AMN1: variants seen among roughly 807,000 people sequenced by gnomAD.
The protein encoded by AMN1 is antagonist of mitotic exit network 1 homolog.
A neutral mutation model predicts 33.0 loss-of-function variants in AMN1; 20 were observed. That is an observed-to-expected ratio of 0.61 (90% CI 0.43 to 0.88). AMN1 has a LOEUF of 0.88. Ranked by LOEUF, AMN1 falls within the 40% of genes least tolerant of loss-of-function variation. AMN1 has a pLI of 0.00. For synonymous variants in AMN1, 114 were observed against 111.9 expected (o/e 1.02, Z -0.12); for missense variants, 246 against 307.4 (o/e 0.80, Z 1.49).
In AMN1 at chr12:31,699,583, C is replaced by CT. The variant is rs1218013604; in HGVS notation, c.317-1627dup. On this transcript the variant is annotated intron_variant, in intron 3 of 6. Transcript: ENST00000281471. Reference sequence around the variant, plus strand: ...GGCTCCTGCGCTTCCAGACCTCACCCTATGTACTCTTCATCTTGCTGTTCA... The same window carrying CT: ...GGCTCCTGCGCTTCCAGACCTCACCCTTATGTACTCTTCATCTTGCTGTTCA... Among the ~76,000 whole-genome samples, 21 of 152,070 alleles carry CT rather than the reference C, an allele frequency of 1.4e-4. 1 individual carries two copies. The highest frequency in any genetic ancestry group is 1.4e-3 in the Admixed American group (21 of 15,256).
At chr12:31,684,804 G>C (rs753897128) in intron 6 of AMN1, among the ~76,000 whole-genome samples, 1 of 151,984 alleles carries the variant, frequency 6.6e-6, no homozygotes, top group Non-Finnish European at 1.5e-5. Flanking sequence ...AATGTAAATG[G>C]GTCCTGGGGT....
chr12:31,718,684 T>C (rs1939770841), intron 1 of AMN1, among the ~76,000 whole-genome samples: 1 of 152,370 alleles, frequency 6.6e-6, no homozygotes, highest in Non-Finnish European at 1.5e-5. Flanking sequence ...GCTGCAGGTC[T>C]GTTGGAGTTT....
chr12:31,708,929 G>C (rs765806612), intron 2 of AMN1: 7 of 361,130 alleles, frequency 1.9e-5, no homozygotes, highest in Non-Finnish European at 3.3e-5. Context: ...TGTAATCCCA[G>C]CATTTTGAGA....
intron 1 of AMN1, among the ~76,000 whole-genome samples, chr12:31,711,082 G>C (rs971930532): frequency 6.6e-6 from 1 of 151,994 alleles, no homozygotes; most frequent in East Asian, 1.9e-4. Context: ...GCTAATTTTT[G>C]TATTTTTAAT....
intron 3 of AMN1, among the ~76,000 whole-genome samples, chr12:31,700,036 G>A (rs973612578): frequency 3.3e-5 from 5 of 151,892 alleles, no homozygotes; most frequent in Admixed American, 1.3e-4. Context: ...ACTTATGCGT[G>A]TTTGCAATAT....
intron 1 of AMN1, among the ~76,000 whole-genome samples, chr12:31,721,179 G>A (rs1426579858): frequency 6.6e-6 from 1 of 152,184 alleles, no homozygotes; most frequent in Admixed American, 6.5e-5. Flanking sequence ...AGGATGATGG[G>A]GTGCTGGGCA....
Position 31,697,835 on chromosome 12 carries a change from C to T in AMN1, c.439G>A (p.Asp147Asn), listed in dbSNP as rs889986563. 3 of 1,613,902 alleles carry T rather than the reference C, an allele frequency of 1.9e-6. No homozygotes were observed. Among genetic ancestry groups the T allele is most frequent in the South Asian group, 1.1e-5 (1 of 91,090 alleles). ...GTAATACTTAAGCAGCCACCTAAAT[C>T]GATGATCTTTAGCAGCTGGCAATTG... ...ALNCQLLKII[D>N]LGGCLSITDV... The change falls in exon 4 of 7, where the codon GAT becomes AAT. Residue 147 changes from aspartate to asparagine, a missense_variant. Transcript: ENST00000281471.
chr12:31,701,812 A>ACC, intron 3 of AMN1, 51 bp downstream of exon 3: 2 of 1,476,596 alleles, frequency 1.4e-6, no homozygotes, highest in South Asian at 2.7e-5. Context: ...CCACAATTTT[A>ACC]CCAGATAGTG....
At chr12:31,691,576 C>T (rs1035323781) in intron 5 of AMN1, among the ~76,000 whole-genome samples, 5 of 151,858 alleles carry the variant, frequency 3.3e-5, no homozygotes, top group African/African-American at 1.2e-4. Flanking sequence ...CTCAATTATA[C>T]CTGAAAAATT....
intron 5 of AMN1, among the ~76,000 whole-genome samples, chr12:31,691,897 G>A (rs572324321): frequency 6.6e-6 from 1 of 152,096 alleles, no homozygotes; most frequent in East Asian, 1.9e-4. Context: ...ATTTTTTTGA[G>A]ACAGAGTTTC....
chr12:31,682,116 G>A (rs1938043032), intron 6 of AMN1, among the ~76,000 whole-genome samples: 1 of 152,200 alleles, frequency 6.6e-6, no homozygotes. Context: ...TTGGACAAAC[G>A]AAGTTAAACA....
intron 3 of AMN1, among the ~76,000 whole-genome samples, chr12:31,699,802 G>A (rs1240660695): frequency 6.6e-6 from 1 of 152,172 alleles, no homozygotes; most frequent in African/African-American, 2.4e-5. Flanking sequence ...AGTCTTGTGG[G>A]ACTGAGCCCT....
In AMN1 at chr12:31,683,678, G is replaced by A. The variant is rs144313933; in HGVS notation, c.703+5329C>T. ...TGCCACCCTGTAAGACGTGCCTTTC[G>A]CCTTCAGCCATGATTGTGAGGCTTC... On this transcript the variant is annotated intron_variant, in intron 6 of 6. Coordinates refer to ENST00000281471, the MANE Select transcript of AMN1 (RefSeq NM_001113402.2). The surrounding 1 kb of genome is among the most constrained non-coding windows in gnomAD (Gnocchi z 4.1). Among the ~76,000 whole-genome samples the A allele has an allele frequency of 5.3e-5, 8 of 152,168 alleles. No homozygotes were observed. Among genetic ancestry groups the A allele is most frequent in the East Asian group, 1.9e-4 (1 of 5,176 alleles).
chr12:31,683,301 G>T lies in AMN1; in HGVS notation c.703+5706C>A, dbSNP rs539825451. On this transcript the variant is annotated intron_variant, in intron 6 of 6. Transcript: ENST00000281471. The surrounding 1 kb of genome is among the most constrained non-coding windows in gnomAD (Gnocchi z 4.1). ...TATTCTTGCTGCAAATGTTGAAGTTGACTGATAATTTTTCTTTACCATAAA... is the reference window on the plus strand; with the variant it reads ...TATTCTTGCTGCAAATGTTGAAGTTTACTGATAATTTTTCTTTACCATAAA... Among the ~76,000 whole-genome samples the T allele has an allele frequency of 7.9e-5, 12 of 152,316 alleles. No individual in the cohort carries two copies. The highest frequency in any genetic ancestry group is 2.9e-4 in the African/African-American group (12 of 41,572).
intron 1 of AMN1, among the ~76,000 whole-genome samples, chr12:31,726,574 T>C (rs1940079365): frequency 6.6e-6 from 1 of 152,224 alleles, no homozygotes; most frequent in Admixed American, 6.5e-5. Context: ...AGTGAGGAGA[T>C]AAGGAGTTTA....
chr12:31,692,197 G>T (rs528801887), intron 5 of AMN1, among the ~76,000 whole-genome samples: 23 of 151,528 alleles, frequency 1.5e-4, no homozygotes, highest in African/African-American at 5.3e-4. Context: ...TTTAGAAAAA[G>T]AACAAATCCA....
intron 2 of AMN1, chr12:31,708,938 G>C (rs1397621152): frequency 4.6e-5 from 17 of 369,906 alleles, no homozygotes; most frequent in Non-Finnish European, 9.2e-5. Flanking sequence ...AGCATTTTGA[G>C]AGGCTGAGGC....
chr12:31,708,058 T>C (rs1939316931), intron 2 of AMN1, among the ~76,000 whole-genome samples: 1 of 152,176 alleles, frequency 6.6e-6, no homozygotes, highest in Admixed American at 6.6e-5. Context: ...TTGAACAATA[T>C]GAAATCAGTG....
intron 1 of AMN1, chr12:31,719,419 T>A: frequency 1.8e-6 from 1 of 559,818 alleles, no homozygotes; most frequent in Admixed American, 6.4e-5. Context: ...TTAGACATTT[T>A]GTTAGGGAAG....
Sources: allele counts gnomAD v4.1 joint callset (sites outside exome capture counted in the v4.1 genomes callset), GRCh38; gene constraint gnomAD v4.1.1; non-coding constraint Gnocchi (gnomAD v3.1); transcripts MANE v1.5; gene names NCBI Gene and HGNC (gene_info 2026-07-23, HGNC 2026-07-21).